RAB3GAP2: variants seen among roughly 807,000 people sequenced by gnomAD.
The protein encoded by RAB3GAP2 is rab3 GTPase-activating protein non-catalytic subunit.
RAB3GAP2 carries 87 observed loss-of-function variants against 185.3 expected under a neutral mutation model. The observed-to-expected ratio is 0.47, with a 90% confidence interval of 0.39 to 0.56. RAB3GAP2 has a LOEUF of 0.56. RAB3GAP2 is among the 20% of genes least tolerant of loss of function. The pLI is 0.00. For missense variants in RAB3GAP2, 1,492 were observed against 1,638.2 expected, an observed-to-expected ratio of 0.91 and a Z score of 1.54; for synonymous variants, 554 against 576.1, an observed-to-expected ratio of 0.96 and a Z score of 0.55.
At chr1:220,266,493 T>C in intron 1 of RAB3GAP2, 1 of 576,840 alleles carries the variant, frequency 1.7e-6, no homozygotes, top group Non-Finnish European at 3.1e-6. Flanking sequence ...GTAGCACAAT[T>C]CTCGTGGCTA....
chr1:220,248,483 T>C (rs753110088), intron 1 of RAB3GAP2, among the ~76,000 whole-genome samples: 39 of 152,158 alleles, frequency 2.6e-4, no homozygotes, highest in Non-Finnish European at 4.1e-4. Context: ...TTGATTATAC[T>C]TCAATAAAGC....
chr1:220,257,746 T>G (rs11485161), intron 1 of RAB3GAP2, among the ~76,000 whole-genome samples: 1 of 151,884 alleles, frequency 6.6e-6, no homozygotes, highest in Admixed American at 6.6e-5. Flanking sequence ...CTGAAGGAGA[T>G]AGAGGCACAA....
At chr1:220,183,076 T>C (rs541739065) in intron 19 of RAB3GAP2, 145 bp from the exon 20 acceptor site, 2 of 672,972 alleles carry the variant, frequency 3.0e-6, no homozygotes, top group Admixed American at 5.3e-5. Flanking sequence ...TACTTACAAA[T>C]CACGTTTCAT....
chr1:220,239,800 C>T (rs1411664653), intron 1 of RAB3GAP2, among the ~76,000 whole-genome samples: 1 of 152,034 alleles, frequency 6.6e-6, no homozygotes, highest in African/African-American at 2.4e-5. Flanking sequence ...CACGTGCACA[C>T]ACAATGTATT....
chr1:220,176,041 A>T (rs1324662660), intron 21 of RAB3GAP2, among the ~76,000 whole-genome samples: 1 of 152,328 alleles, frequency 6.6e-6, no homozygotes, highest in Middle Eastern at 3.4e-3. Flanking sequence ...AGATGAAAGA[A>T]GAAAAATAAA....
intron 1 of RAB3GAP2, among the ~76,000 whole-genome samples, chr1:220,237,389 T>C (rs1659612886): frequency 1.3e-5 from 2 of 152,260 alleles, no homozygotes; most frequent in Admixed American, 1.3e-4. Flanking sequence ...CCTATGTCTT[T>C]CGTTTTACTG....
intron 1 of RAB3GAP2, among the ~76,000 whole-genome samples, chr1:220,249,587 T>C (rs1398903015): frequency 6.6e-6 from 1 of 152,126 alleles, no homozygotes; most frequent in Non-Finnish European, 1.5e-5. Context: ...GCATAAGTAA[T>C]GAGGATCCAA....
intron 1 of RAB3GAP2, chr1:220,253,491 G>A (rs971600317): frequency 7.2e-6 from 11 of 1,524,130 alleles, no homozygotes; most frequent in African/African-American, 2.8e-5. Flanking sequence ...CGCGTCTGAC[G>A]CGGAGTTGGG....
chr1:220,220,138 G>T (rs1383147883), intron 2 of RAB3GAP2, among the ~76,000 whole-genome samples: 1 of 152,146 alleles, frequency 6.6e-6, no homozygotes, highest in African/African-American at 2.4e-5. Context: ...GCTCCACCAG[G>T]GACCTTGGGT....
intron 31 of RAB3GAP2, among the ~76,000 whole-genome samples, chr1:220,155,401 G>A (rs544941525): frequency 1.3e-5 from 2 of 152,278 alleles, no homozygotes; most frequent in Admixed American, 6.5e-5. Flanking sequence ...AAGAAAAACC[G>A]GACTTACAGG....
At position 220,263,528 on chromosome 1, in the gene RAB3GAP2, C is replaced by G. The variant is rs193030750; in HGVS notation, c.115+8695G>C. On this transcript the variant is annotated intron_variant, in intron 1 of 34. Coordinates refer to ENST00000358951, the MANE Select transcript of RAB3GAP2 (RefSeq NM_012414.4). Reference sequence around the variant, plus strand: ...TATGGATAGCCATTTCCTCTAACATCATATATTCAAGAAGCTGTCTTTTCC... The same window carrying G: ...TATGGATAGCCATTTCCTCTAACATGATATATTCAAGAAGCTGTCTTTTCC... Among the ~76,000 whole-genome samples the G allele has an allele frequency of 1.4e-4, 22 of 152,222 alleles. 2 individuals are homozygous for G. In the East Asian group the frequency reaches 4.3e-3, roughly 30 times the overall value.
intron 1 of RAB3GAP2, among the ~76,000 whole-genome samples, chr1:220,233,733 C>T (rs1659542599): frequency 1.3e-5 from 2 of 151,974 alleles, no homozygotes; most frequent in African/African-American, 4.8e-5. Flanking sequence ...TGGAGTCTCA[C>T]TCTGCTGTCC....
chr1:220,258,322 T>C (rs1660071783), intron 1 of RAB3GAP2, among the ~76,000 whole-genome samples: 1 of 152,098 alleles, frequency 6.6e-6, no homozygotes, highest in South Asian at 2.1e-4. Flanking sequence ...TGAACATCAG[T>C]GTAAAAATTC....
intron 18 of RAB3GAP2, 81 bp downstream of exon 18, chr1:220,185,570 A>G: frequency 9.8e-7 from 1 of 1,024,602 alleles, no homozygotes; most frequent in Non-Finnish European, 1.5e-6. Context: ...TGATGGTATC[A>G]CAAAGTCAAT....
At chr1:220,203,067 G>A (rs1658893332) in intron 8 of RAB3GAP2, among the ~76,000 whole-genome samples, 1 of 152,210 alleles carries the variant, frequency 6.6e-6, no homozygotes, top group Non-Finnish European at 1.5e-5. Flanking sequence ...GTGCTTTACT[G>A]ATAGAAAAAC....
chr1:220,202,635 T>C (rs376210582), intron 8 of RAB3GAP2, among the ~76,000 whole-genome samples: 4 of 152,146 alleles, frequency 2.6e-5, no homozygotes, highest in African/African-American at 9.6e-5. Flanking sequence ...AATCCTAGAC[T>C]ACTACTAAAA....
chr1:220,210,265 A>G (rs113653258), intron 7 of RAB3GAP2, 123 bp downstream of exon 7: 2 of 786,612 alleles, frequency 2.5e-6, no homozygotes, highest in Non-Finnish European at 4.6e-6. Context: ...AGACTATGAT[A>G]GCAGAGCTAA....
intron 31 of RAB3GAP2, among the ~76,000 whole-genome samples, chr1:220,154,838 A>G (rs1336296816): frequency 6.7e-6 from 1 of 150,180 alleles, no homozygotes; most frequent in East Asian, 2.0e-4. Context: ...CTCCCACCTC[A>G]GCCTCCCAAG....
chr1:220,214,366 T>G (rs528762731), intron 2 of RAB3GAP2, among the ~76,000 whole-genome samples: 2 of 151,998 alleles, frequency 1.3e-5, no homozygotes, highest in South Asian at 4.2e-4. Context: ...TCTCTACTAA[T>G]AATACAAAAA....
Sources: gnomAD v4.1 joint callset for allele counts (sites outside exome capture counted in the v4.1 genomes callset) on GRCh38, gnomAD v4.1.1 for gene constraint, MANE v1.5 for transcripts, NCBI Gene and HGNC (gene_info 2026-07-23, HGNC 2026-07-21) for gene names.